Variants in DCN observed in about 807,000 individuals in gnomAD.
DCN encodes decorin, also known as bone proteoglycan II.
DCN carries 17 observed loss-of-function variants against 36.5 expected under a neutral mutation model. That is an observed-to-expected ratio of 0.47 (90% confidence interval 0.32 to 0.70). The LOEUF (loss-of-function observed/expected upper bound fraction) is 0.70. DCN is among the 30% of genes least tolerant of loss of function. DCN has a pLI of 0.04. For missense variants in DCN, 389 were observed against 430.1 expected (o/e 0.90, Z 0.84); for synonymous variants, 163 against 161.4 (o/e 1.01, Z -0.07).
chr12:91,172,240 T>C (rs1334005702), intron 2 of DCN: 1 of 152,598 alleles, frequency 6.6e-6, no homozygotes, highest in Non-Finnish European at 1.5e-5. Flanking sequence ...AACATCATGT[T>C]GGACAAAGGC....
At chr12:91,173,150 T>C (rs546181155) in intron 2 of DCN, among the ~76,000 whole-genome samples, 2 of 152,242 alleles carry the variant, frequency 1.3e-5, no homozygotes, top group South Asian at 4.1e-4. Context: ...ATGTAATCTT[T>C]TTCCACTCTT....
chr12:91,156,554 T>C (rs1398218804), intron 5 of DCN, among the ~76,000 whole-genome samples: 1 of 152,100 alleles, frequency 6.6e-6, no homozygotes, highest in Non-Finnish European at 1.5e-5. Flanking sequence ...GACTCCAAAA[T>C]CTACACTCTT....
At position 91,177,540 on chromosome 12, in the gene DCN, C is replaced by G. The variant is rs775985574; in HGVS notation, c.211+802G>C. 4.4e-5 allele frequency: 31 copies of G among 701,458 alleles called. No homozygotes were observed. The South Asian group carries it at 4.4e-4, about 10-fold the overall frequency. The allele number at this position is 701,458 out of a possible 1,614,324, so 43.5% of individuals were successfully genotyped here. On this transcript the variant is annotated intron_variant, in intron 2 of 7. Coordinates refer to ENST00000052754, the MANE Select transcript of DCN (RefSeq NM_001920.5). ...GCTGCCATGTAAACTGAGTTCATTCCCCTTTGGCCCATCCACTGAGCTTCA... is the reference window on the plus strand; with the variant it reads ...GCTGCCATGTAAACTGAGTTCATTCGCCTTTGGCCCATCCACTGAGCTTCA...
chr12:91,160,452 A>C (rs1882088760), intron 3 of DCN, among the ~76,000 whole-genome samples: 1 of 151,978 alleles, frequency 6.6e-6, no homozygotes, highest in Non-Finnish European at 1.5e-5. Flanking sequence ...CACTGTACCA[A>C]ATATTGTTCT....
rs570131909 is a variant in DCN at position 91,142,908 on chromosome 12, A to C, written c.*3150T>G. 6.6e-6 allele frequency: 1 copy of C among 152,332 alleles called. No homozygotes were observed. The highest frequency in any genetic ancestry group is 2.1e-4 in the South Asian group (1 of 4,830). 9.4% of individuals were successfully genotyped at this position (152,332 alleles called of 1,614,324 possible). ...TGATTAAGTTGTGTCTCCTCCCAGA[A>C]GATATGTTCAATATCAAACCCCCAA... On this transcript the variant is annotated 3_prime_UTR_variant, in exon 8 of 8. Transcript: ENST00000052754.
At position 91,142,140 on chromosome 12, in the gene DCN, A is replaced by G. The variant is rs1773672625; in HGVS notation, c.*3918T>C. On this transcript the variant is annotated 3_prime_UTR_variant, in exon 8 of 8. Coordinates refer to ENST00000052754, the MANE Select transcript of DCN (RefSeq NM_001920.5). ...TGAATACATAAACAGATCCACTAGA[A>G]GGAATGTTTTAGCAATAAGTGTGGA... The G allele has an allele frequency of 6.6e-6, 1 of 152,214 alleles. No homozygotes were observed. The highest frequency in any genetic ancestry group is 6.6e-5 in the Admixed American group (1 of 15,266). The allele number at this position is 152,214 out of a possible 1,614,324, so 9.4% of individuals were successfully genotyped here. A position where few individuals can be genotyped will look rare whatever the true frequency, so the allele number is the denominator to read the frequency against.
At chr12:91,151,880 G>C in intron 6 of DCN, 88 bp from the exon 7 acceptor site, 1 of 1,538,774 alleles carries the variant, frequency 6.5e-7, no homozygotes, top group Non-Finnish European at 8.9e-7. Flanking sequence ...CTATAGGAAA[G>C]GACATTTTTT....
chr12:91,151,560 T>A (rs1473327510), intron 7 of DCN, 94 bp downstream of exon 7: 1 of 1,481,890 alleles, frequency 6.7e-7, no homozygotes, highest in Non-Finnish European at 9.3e-7. Context: ...AAAAAAAACT[T>A]CTAAGAAGAG....
chr12:91,164,774 T>TCA, intron 2 of DCN, 57 bp from the exon 3 acceptor site: 1 of 840,202 alleles, frequency 1.2e-6, no homozygotes. Context: ...GGCTACAGAA[T>TCA]CACACAGCAT....
Position 91,178,336 on chromosome 12 carries a change from A to T in DCN, c.211+6T>A. 6.2e-7 allele frequency: 1 copy of T among 1,612,076 alleles called. No individual in the cohort carries two copies. ...GGTAGGTAAAGAGAAACTGCATCCC[A>T]CTCACCCAAATCAGAACACTGGACC... On this transcript the variant is annotated splice_donor_region_variant and intron_variant, in intron 2 of 7. Transcript: ENST00000052754.
At chr12:91,175,405 A>C (rs1883231405) in intron 2 of DCN, 2 of 151,920 alleles carry the variant, frequency 1.3e-5, no homozygotes, top group Non-Finnish European at 2.9e-5. Flanking sequence ...AAAACAGTCC[A>C]TGCATTTTTC....
At chr12:91,164,077 G>T (rs1254413665) in intron 3 of DCN, among the ~76,000 whole-genome samples, 3 of 152,098 alleles carry the variant, frequency 2.0e-5, no homozygotes, top group Non-Finnish European at 4.4e-5. Flanking sequence ...ATGATGCTTT[G>T]CTTCCCTACC....
intron 6 of DCN, among the ~76,000 whole-genome samples, 167 bp from the exon 7 acceptor site, chr12:91,151,959 A>G (rs1480295246): frequency 6.6e-6 from 1 of 152,152 alleles, no homozygotes; most frequent in African/African-American, 2.4e-5. Context: ...GACAAAGTCC[A>G]TTTATTGTTA....
intron 2 of DCN, chr12:91,175,416 C>G (rs533490389): frequency 6.6e-6 from 1 of 151,328 alleles, no homozygotes; most frequent in South Asian, 2.1e-4. Context: ...TGCATTTTTC[C>G]AGAGGCATCA....
intron 4 of DCN, 85 bp from the exon 5 acceptor site, chr12:91,157,273 A>G: frequency 1.1e-6 from 1 of 940,332 alleles, no homozygotes; most frequent in Admixed American, 1.7e-5. Flanking sequence ...CAAGCAACCT[A>G]TAAAGAAATA....
rs3138184 is a variant in DCN at position 91,172,719 on chromosome 12, T to G, written c.211+5623A>C. ...CTAGAGTCAAGAATATTGTAGAATA[T>G]TCATCCAAGCATTAATTCAAGAACC... On this transcript the variant is annotated intron_variant, in intron 2 of 7. Transcript: ENST00000052754. The G allele has an allele frequency of 5.5e-3, 3,810 of 695,452 alleles. 94 individuals are homozygous for G. The African/African-American group carries it at 0.056, about 10-fold the overall frequency. The allele number at this position is 695,452 out of a possible 1,614,324, so 43.1% of individuals were successfully genotyped here.
rs1276857504 is a variant in DCN, at chr12:91,140,581, A to G, written c.*5477T>C. ...TGTAAAATGTGTTGCTAACATGTAC[A>G]GTATGATTGCTTAGTTTGGACAAAG... On this transcript the variant is annotated 3_prime_UTR_variant, in exon 8 of 8. Coordinates refer to ENST00000052754, the MANE Select transcript of DCN (RefSeq NM_001920.5). The G allele has an allele frequency of 6.6e-6, 1 of 152,186 alleles. No individual in the cohort carries two copies. The highest frequency in any genetic ancestry group is 1.9e-4 in the East Asian group (1 of 5,188). 9.4% of individuals were successfully genotyped at this position (152,186 alleles called of 1,614,324 possible).
intron 7 of DCN, among the ~76,000 whole-genome samples, chr12:91,148,316 G>A (rs1881169648): frequency 6.6e-6 from 1 of 151,844 alleles, no homozygotes. Flanking sequence ...ATCGTGATCC[G>A]CCCACCTCAG....
intron 4 of DCN, among the ~76,000 whole-genome samples, chr12:91,158,086 A>G (rs1881914368): frequency 6.6e-6 from 1 of 152,138 alleles, no homozygotes; most frequent in South Asian, 2.1e-4. Context: ...GGTTTTCTCC[A>G]TATTCTCAGA....
Sources: allele counts gnomAD v4.1 joint callset (sites outside exome capture counted in the v4.1 genomes callset), GRCh38; gene constraint gnomAD v4.1.1; transcripts MANE v1.5; gene names NCBI Gene and HGNC (gene_info 2026-07-23, HGNC 2026-07-21).